Variants in FOXP2 observed in about 807,000 individuals in gnomAD.
The protein encoded by FOXP2 is forkhead box protein P2.
A neutral mutation model predicts 115.8 loss-of-function variants in FOXP2; 12 were observed. The observed-to-expected ratio is 0.10, with a 90% confidence interval of 0.07 to 0.17. The LOEUF (loss-of-function observed/expected upper bound fraction) is 0.17, where lower values mean the gene tolerates loss of function less well. Among genes scored for constraint, FOXP2 ranks in the 10% least tolerant of loss-of-function variants. The pLI is 1.00. For synonymous variants in FOXP2, 328 were observed against 297.7 expected, an observed-to-expected ratio of 1.10 and a Z score of -1.05; for missense variants, 629 against 843.5, an observed-to-expected ratio of 0.75 and a Z score of 3.15.
intron 2 of FOXP2, 150 bp downstream of exon 2, chr7:114,426,829 TAA>T (rs1247242252): frequency 4.7e-6 from 4 of 853,378 alleles, no homozygotes; most frequent in Non-Finnish European, 7.5e-6. Flanking sequence ...GAAGGATGAG[TAA>T]AGAGATAAGA....
At chr7:114,422,124 G>T (rs1337305132) in intron 1 of FOXP2, among the ~76,000 whole-genome samples, 1 of 151,568 alleles carries the variant, frequency 6.6e-6, no homozygotes, top group Non-Finnish European at 1.5e-5. Flanking sequence ...TAAATTTGAT[G>T]CCTTACTTTT....
At chr7:114,573,058 G>T (rs1346582523) in intron 3 of FOXP2, among the ~76,000 whole-genome samples, 1 of 151,780 alleles carries the variant, frequency 6.6e-6, no homozygotes, top group African/African-American at 2.4e-5. Context: ...GTATGAGTTA[G>T]TGAGGTCTGG....
intron 2 of FOXP2, among the ~76,000 whole-genome samples, chr7:114,463,581 G>C (rs1026222508): frequency 1.3e-5 from 2 of 152,172 alleles, no homozygotes; most frequent in Admixed American, 6.6e-5. Flanking sequence ...ATCAAAATAT[G>C]TGACCTTACT....
chr7:114,329,100 A>G (rs370638628), intron 2 of FOXP2, among the ~76,000 whole-genome samples: 4 of 152,238 alleles, frequency 2.6e-5, no homozygotes, highest in East Asian at 3.8e-4. Flanking sequence ...GTCTGCTTAA[A>G]AAATGGATCG....
At chr7:114,500,815 G>A (rs980016732) in intron 2 of FOXP2, among the ~76,000 whole-genome samples, 1 of 152,162 alleles carries the variant, frequency 6.6e-6, no homozygotes, top group Admixed American at 6.5e-5. Context: ...ATTCGTAATA[G>A]TGCAATTAAT....
At chr7:114,187,451 T>G (rs963686911) in intron 1 of FOXP2, among the ~76,000 whole-genome samples, 1 of 152,212 alleles carries the variant, frequency 6.6e-6, no homozygotes, top group East Asian at 1.9e-4. Flanking sequence ...TTCAGTACCT[T>G]GCTCCTCATT....
At chr7:114,321,282 T>C (rs1797415948) in intron 2 of FOXP2, among the ~76,000 whole-genome samples, 1 of 151,936 alleles carries the variant, frequency 6.6e-6, no homozygotes, top group African/African-American at 2.4e-5. Flanking sequence ...CACTGCAACC[T>C]CTGCCTCCTG....
At chr7:114,526,442 C>T (rs547056677) in intron 2 of FOXP2, among the ~76,000 whole-genome samples, 17 of 150,074 alleles carry the variant, frequency 1.1e-4, no homozygotes, top group Admixed American at 1.1e-3. Context: ...CGCCATTGCA[C>T]TCCAGTCTGG....
chr7:114,674,896 C>G (rs1159561465), intron 16 of FOXP2, among the ~76,000 whole-genome samples: 2 of 151,990 alleles, frequency 1.3e-5, no homozygotes, highest in Non-Finnish European at 2.9e-5. Context: ...TTTAATTACT[C>G]ACATTTAATT....
chr7:114,533,059 T>A (rs545680142), intron 2 of FOXP2, among the ~76,000 whole-genome samples: 3 of 152,130 alleles, frequency 2.0e-5, no homozygotes, highest in African/African-American at 7.2e-5. Context: ...CACTGGAATG[T>A]GCCATCCTTA....
At chr7:114,269,925 G>T (rs1795993407) in intron 1 of FOXP2, among the ~76,000 whole-genome samples, 1 of 152,100 alleles carries the variant, frequency 6.6e-6, no homozygotes, top group South Asian at 2.1e-4. Context: ...TGCTTACTTT[G>T]TGCCAGGTGC....
At position 114,691,035 on chromosome 7, in the gene FOXP2, A is replaced by C; in HGVS notation, c.*1109A>C. The stretch of plus-strand genomic sequence containing the variant: ...CATTAAAGACAGAGGTGAGGACAAA[A>C]TCCGCAGTGGAAGTTATGATATGCT... On this transcript the variant is annotated 3_prime_UTR_variant, in exon 17 of 17. Transcript: ENST00000350908. 2.2e-6 allele frequency: 1 copy of C among 454,230 alleles called. No individual in the cohort carries two copies. Among genetic ancestry groups the C allele is most frequent in the Non-Finnish European group, 4.4e-6 (1 of 226,764 alleles). The allele number at this position is 454,230 out of a possible 1,614,324, so 28.1% of individuals were successfully genotyped here.
intron 2 of FOXP2, among the ~76,000 whole-genome samples, chr7:114,531,882 C>G (rs1472958879): frequency 1.3e-5 from 2 of 151,796 alleles, no homozygotes; most frequent in African/African-American, 2.4e-5. Flanking sequence ...ATTTAATTTT[C>G]TAGTGTTTGT....
At chr7:114,314,225 T>C (rs1038202991) in intron 2 of FOXP2, among the ~76,000 whole-genome samples, 2 of 149,732 alleles carry the variant, frequency 1.3e-5, no homozygotes, top group Non-Finnish European at 3.0e-5. Flanking sequence ...TTATATTTTA[T>C]ATAATATGAT....
intron 1 of FOXP2, among the ~76,000 whole-genome samples, chr7:114,156,100 C>T (rs946244017): frequency 6.6e-6 from 1 of 152,092 alleles, no homozygotes; most frequent in African/African-American, 2.4e-5. Flanking sequence ...CATTTTGCCT[C>T]TTAATGCACA....
chr7:114,584,212 A>C (rs1802012527), intron 3 of FOXP2, among the ~76,000 whole-genome samples: 1 of 151,486 alleles, frequency 6.6e-6, no homozygotes, highest in Non-Finnish European at 1.5e-5. Context: ...CATTTTTCTG[A>C]TTTTTTTTTA....
intron 3 of FOXP2, among the ~76,000 whole-genome samples, chr7:114,557,346 G>A (rs1177470011): frequency 6.6e-6 from 1 of 152,132 alleles, no homozygotes; most frequent in Non-Finnish European, 1.5e-5. Flanking sequence ...TTTTACATCT[G>A]TACTATGTCT....
intron 1 of FOXP2, among the ~76,000 whole-genome samples, chr7:114,232,293 T>A (rs1464275308): frequency 6.6e-6 from 1 of 152,096 alleles, no homozygotes; most frequent in Non-Finnish European, 1.5e-5. Context: ...GCCACTACGG[T>A]AAACAGTAAG....
chr7:114,439,452 AT>A (rs530729122), intron 2 of FOXP2, among the ~76,000 whole-genome samples: 1 of 152,118 alleles, frequency 6.6e-6, no homozygotes, highest in Non-Finnish European at 1.5e-5. Flanking sequence ...ATTACTTCAG[AT>A]TTTTTTGAGG....
Sources: allele counts gnomAD v4.1 joint callset (sites outside exome capture counted in the v4.1 genomes callset), GRCh38; gene constraint gnomAD v4.1.1; transcripts MANE v1.5; gene names NCBI Gene and HGNC (gene_info 2026-07-23, HGNC 2026-07-21).